Variants in SGCD observed in about 807,000 individuals in gnomAD.
The protein encoded by SGCD is delta-sarcoglycan.
Under a neutral mutation model 36.6 loss-of-function variants are expected in SGCD, and 18 were observed. That is an observed-to-expected ratio of 0.49 (90% CI 0.34 to 0.73). The LOEUF (loss-of-function observed/expected upper bound fraction) is 0.73, where lower values mean the gene tolerates loss of function less well. SGCD is among the 30% of genes least tolerant of loss of function. The pLI is 0.01. For synonymous variants in SGCD, 133 were observed against 130.6 expected (o/e 1.02, Z -0.12); for missense variants, 387 against 346.7 (o/e 1.12, Z -0.92).
At chr5:156,651,767 T>C (rs1189506304) in intron 7 of SGCD, among the ~76,000 whole-genome samples, 1 of 152,072 alleles carries the variant, frequency 6.6e-6, no homozygotes, top group African/African-American at 2.4e-5. Flanking sequence ...TTAGGATTGC[T>C]TTGGGCTCTT....
chr5:155,728,435 G>C, the SGCD span, among the ~76,000 whole-genome samples: 1 of 152,324 alleles, frequency 6.6e-6, no homozygotes, highest in African/African-American at 2.4e-5. Flanking sequence ...GCACCGGCGG[G>C]GAGGAGGACT....
intron 4 of SGCD, among the ~76,000 whole-genome samples, chr5:156,567,737 G>A (rs1000280902): frequency 3.3e-5 from 5 of 152,138 alleles, no homozygotes; most frequent in Non-Finnish European, 5.9e-5. Flanking sequence ...TTTGTCTAAT[G>A]CATACTTTGC....
the SGCD span, among the ~76,000 whole-genome samples, chr5:155,764,772 T>C: frequency 6.6e-6 from 1 of 152,128 alleles, no homozygotes; most frequent in Non-Finnish European, 1.5e-5. Flanking sequence ...GCCTCTCTGA[T>C]AGTTGAGTTG....
the SGCD span, among the ~76,000 whole-genome samples, chr5:155,762,518 T>C: frequency 5.9e-4 from 90 of 152,338 alleles, no homozygotes; most frequent in African/African-American, 2.0e-3. Context: ...AGCTGTCACC[T>C]ATTTGGCACT....
intron 3 of SGCD, among the ~76,000 whole-genome samples, chr5:156,232,150 A>T (rs1410434852): frequency 6.6e-6 from 1 of 152,230 alleles, no homozygotes; most frequent in Non-Finnish European, 1.5e-5. Context: ...AGTTGGATAT[A>T]CCCAGACATT....
intron 1 of SGCD, among the ~76,000 whole-genome samples, chr5:155,974,912 T>A (rs1487628865): frequency 6.6e-6 from 1 of 152,056 alleles, no homozygotes; most frequent in Non-Finnish European, 1.5e-5. Flanking sequence ...AGTACTATTA[T>A]CTCTTCTTTT....
intron 3 of SGCD, among the ~76,000 whole-genome samples, chr5:156,134,592 C>T (rs1187194821): frequency 2.0e-5 from 3 of 151,326 alleles, no homozygotes. Context: ...TTTAAAGTTC[C>T]GGTACAGAAA....
intron 1 of SGCD, among the ~76,000 whole-genome samples, chr5:155,887,982 G>C (rs1420680713): frequency 6.6e-6 from 1 of 152,126 alleles, no homozygotes; most frequent in Non-Finnish European, 1.5e-5. Flanking sequence ...AGAGAGATGA[G>C]GTAACATCTG....
At chr5:156,456,281 G>A (rs1343794905) in intron 3 of SGCD, among the ~76,000 whole-genome samples, 1 of 152,150 alleles carries the variant, frequency 6.6e-6, no homozygotes, top group African/African-American at 2.4e-5. Context: ...ATTCTGGTGA[G>A]GGCTCAGAAA....
chr5:156,242,699 C>T (rs1026223345), intron 3 of SGCD, among the ~76,000 whole-genome samples: 5 of 152,150 alleles, frequency 3.3e-5, no homozygotes, highest in African/African-American at 7.2e-5. Flanking sequence ...AAAAAGCTAA[C>T]CAACATCAAG....
At chr5:155,829,052 C>A in the SGCD span, among the ~76,000 whole-genome samples, 1 of 151,794 alleles carries the variant, frequency 6.6e-6, no homozygotes, top group African/African-American at 2.4e-5. Context: ...AGCTAGATGA[C>A]CTGGCTGTGA....
intron 7 of SGCD, among the ~76,000 whole-genome samples, chr5:156,748,526 C>G (rs966138326): frequency 3.9e-5 from 6 of 152,090 alleles, no homozygotes; most frequent in Middle Eastern, 3.4e-3. Flanking sequence ...AATTTTAAGG[C>G]AGAAAGCATT....
rs534143420 is a variant in SGCD at position 156,607,741 on chromosome 5, C to A, written c.502+12690C>A. On this transcript the variant is annotated intron_variant, in intron 6 of 8. Coordinates refer to ENST00000337851, the MANE Select transcript of SGCD (RefSeq NM_000337.6). ...TTTCAGAGCCTGTTATTGGTCTATT[C>A]AGAGATTCAACTTCTTCCTGGTTTA... Among the ~76,000 whole-genome samples, 410 of 152,198 alleles carry A rather than the reference C, an allele frequency of 2.7e-3. 3 individuals carry two copies. The highest frequency in any genetic ancestry group is 9.5e-3 in the African/African-American group (393 of 41,536).
At chr5:156,409,646 T>G (rs950781692) in intron 3 of SGCD, among the ~76,000 whole-genome samples, 2 of 152,214 alleles carry the variant, frequency 1.3e-5, no homozygotes, top group African/African-American at 4.8e-5. Flanking sequence ...GACAAACTAC[T>G]TAGCTTGTCT....
chr5:156,644,222 T>A (rs966428740), intron 6 of SGCD, among the ~76,000 whole-genome samples: 2 of 152,200 alleles, frequency 1.3e-5, no homozygotes, highest in African/African-American at 4.8e-5. Flanking sequence ...TGCTATTTGC[T>A]GTCCTAGTAA....
At chr5:155,941,849 T>C (rs1398741554) in intron 1 of SGCD, among the ~76,000 whole-genome samples, 3 of 152,176 alleles carry the variant, frequency 2.0e-5, no homozygotes, top group Non-Finnish European at 4.4e-5. Context: ...TAAGACAATG[T>C]TTCACAATCT....
At chr5:156,589,207 C>T (rs959122866) in intron 4 of SGCD, 24 bp from the exon 5 acceptor site, 5 of 1,464,650 alleles carry the variant, frequency 3.4e-6, no homozygotes, top group Non-Finnish European at 3.8e-6. Context: ...ATTTTCATGT[C>T]TTTCTCTTAT....
chr5:156,531,714 T>C (rs1757897695), intron 4 of SGCD, among the ~76,000 whole-genome samples: 1 of 152,124 alleles, frequency 6.6e-6, no homozygotes, highest in African/African-American at 2.4e-5. Flanking sequence ...CAAAATATAG[T>C]AGCCATAGTC....
chr5:156,564,160 T>A (rs1164891419), intron 4 of SGCD, among the ~76,000 whole-genome samples: 1 of 152,182 alleles, frequency 6.6e-6, no homozygotes, highest in Non-Finnish European at 1.5e-5. Context: ...TAAAAATTTT[T>A]AATTGTGGGC....
Sources: gnomAD v4.1 joint callset for allele counts (sites outside exome capture counted in the v4.1 genomes callset) on GRCh38, gnomAD v4.1.1 for gene constraint, MANE v1.5 for transcripts, NCBI Gene and HGNC (gene_info 2026-07-23, HGNC 2026-07-21) for gene names.